The following CD300LF variants were observed in gnomAD, a reference collection of about 807,000 sequenced individuals.
CD300LF encodes the protein CMRF35-like molecule 1.
CD300LF carries 27 observed loss-of-function variants against 32.2 expected under a neutral mutation model. The observed-to-expected ratio is 0.84, with a 90% CI of 0.62 to 1.15. The LOEUF (loss-of-function observed/expected upper bound fraction) is 1.15. Among genes scored for constraint, CD300LF ranks in the 50% most tolerant of loss-of-function variants. CD300LF has a pLI of 0.00. For missense variants in CD300LF, 348 were observed against 356.8 expected (o/e 0.98, Z 0.20); for synonymous variants, 139 against 143.2 (o/e 0.97, Z 0.21).
At position 74,694,972 on chromosome 17, in the gene CD300LF, C is replaced by A; in HGVS notation, c.*124G>T. ...GCCCAACCCAGAGCTAGGGGCAATG[C>A]TGGCTGATCAGGCAGAGGCACCAGT... On this transcript the variant is annotated 3_prime_UTR_variant, in exon 7 of 7. Coordinates refer to ENST00000326165, the MANE Select transcript of CD300LF (RefSeq NM_139018.5). 9.0e-7 allele frequency: 1 copy of A among 1,113,744 alleles called. No individual in the cohort carries two copies. Among genetic ancestry groups the A allele is most frequent in the Admixed American group, 2.4e-5 (1 of 42,172 alleles). 69.0% of individuals were successfully genotyped at this position (1,113,744 alleles called of 1,614,324 possible).
chr17:74,697,030 C>T (rs2032552599), intron 4 of CD300LF, among the ~76,000 whole-genome samples: 1 of 152,222 alleles, frequency 6.6e-6, no homozygotes, highest in Non-Finnish European at 1.5e-5. Flanking sequence ...CAACCTCCAC[C>T]TCCTGGGTTC....
intron 3 of CD300LF, 86 bp from the exon 4 acceptor site, chr17:74,698,567 G>T: frequency 6.5e-7 from 1 of 1,531,812 alleles, no homozygotes. Flanking sequence ...GCAGGGGAGG[G>T]CCACACACCT....
At chr17:74,703,237 G>T in intron 2 of CD300LF, 139 bp from the exon 3 acceptor site, 1 of 995,708 alleles carries the variant, frequency 1.0e-6, no homozygotes, top group South Asian at 1.5e-5. Flanking sequence ...CCTGGGCGGG[G>T]GTCTGGACTG....
At chr17:74,704,881 T>G (rs2033385263) in intron 1 of CD300LF, 65 bp from the exon 2 acceptor site, 1 of 1,277,298 alleles carries the variant, frequency 7.8e-7, no homozygotes, top group Admixed American at 2.1e-5. Context: ...GCTTTCTGTT[T>G]AGGGAATAGC....
At position 74,704,586 on chromosome 17, in the gene CD300LF, T is replaced by A; in HGVS notation, c.274A>T (p.Thr92Ser). 1 of 1,614,206 alleles carries A rather than the reference T, an allele frequency of 6.2e-7. No individual in the cohort carries two copies. Among genetic ancestry groups the A allele is most frequent in the Non-Finnish European group, 8.5e-7 (1 of 1,180,040 alleles). The change falls in exon 2 of 7, where the codon ACT becomes TCT. Residue 92 changes from threonine to serine, a missense_variant. Physicochemically the swap from Thr to Ser is moderately conservative, Grantham distance 58. Coordinates refer to ENST00000326165, the MANE Select transcript of CD300LF (RefSeq NM_139018.5). ...TTCATGAGATCCTCCATGGTCACAG[T>A]GAACGTGCGGTTTTTCTGATTGTCC... The part of the protein sequence containing the change: ...IKDNQKNRTF[T>S]VTMEDLMKTD...
In CD300LF at chr17:74,704,568, G is replaced by A; in HGVS notation, c.292C>T (p.Leu98Phe). Residue 98 changes from leucine to phenylalanine, a missense_variant, in exon 2 of 7, where the codon CTC (leucine) becomes TTC (phenylalanine). Transcript: ENST00000326165. ...NRTFTVTMED[L>F]MKTDADTYWC... ...TAAGTGTCAGCATCAGTTTTCATGAGATCCTCCATGGTCACAGTGAACGTG... is the reference window on the plus strand; with the variant it reads ...TAAGTGTCAGCATCAGTTTTCATGAAATCCTCCATGGTCACAGTGAACGTG... 6.2e-7 allele frequency: 1 copy of A among 1,614,172 alleles called. No individual in the cohort carries two copies. Among genetic ancestry groups the A allele is most frequent in the Non-Finnish European group, 8.5e-7 (1 of 1,180,022 alleles).
At chr17:74,697,126 T>A (rs542422411) in intron 4 of CD300LF, among the ~76,000 whole-genome samples, 1 of 152,236 alleles carries the variant, frequency 6.6e-6, no homozygotes, top group East Asian at 1.9e-4. Flanking sequence ...GCATTTTTAG[T>A]AGAGAAGGGG....
intron 2 of CD300LF, 177 bp from the exon 3 acceptor site, chr17:74,703,275 A>AGAT: frequency 3.0e-6 from 2 of 661,680 alleles, no homozygotes; most frequent in Admixed American, 2.7e-5. Context: ...TGCAGCCTGG[A>AGAT]CCACTCATGT....
rs377246276 is a variant in CD300LF, at chr17:74,695,119, A to G, written c.850T>C (p.Tyr284His). ...GGCTAAGGCCTGCTGATGGTGCTGT[A>G]TTCCGTGGGCTCCTCAGGGCCCCTG... is the stretch of plus-strand genomic sequence containing the variant. ...PGRGPEEPTE[Y>H]STISRP The change falls in exon 7 of 7, where the codon TAC becomes CAC. Residue 284 changes from tyrosine to histidine, a missense_variant. Tyr to His is a moderately conservative substitution (Grantham distance 83). Transcript: ENST00000326165. 1.9e-6 allele frequency: 3 copies of G among 1,614,090 alleles called. No individual in the cohort carries two copies. The highest frequency in any genetic ancestry group is 1.1e-5 in the South Asian group (1 of 91,074).
chr17:74,708,870 C>T (rs1005859403), intron 1 of CD300LF, among the ~76,000 whole-genome samples: 5 of 149,916 alleles, frequency 3.3e-5, no homozygotes, highest in Admixed American at 6.7e-5. Context: ...GAGCCGAGAT[C>T]GCGCCACTGC....
intron 6 of CD300LF, among the ~76,000 whole-genome samples, chr17:74,695,513 C>T (rs1438360413): frequency 2.6e-5 from 4 of 152,206 alleles, no homozygotes; most frequent in Middle Eastern, 3.2e-3. Context: ...CTGCTGCCCA[C>T]GTGGGGACTG....
At chr17:74,711,813 C>T (rs2033982308) in intron 1 of CD300LF, among the ~76,000 whole-genome samples, 1 of 152,110 alleles carries the variant, frequency 6.6e-6, no homozygotes, top group South Asian at 2.1e-4. Context: ...TGTAACATAT[C>T]ATCTTGTTCT....
chr17:74,706,762 G>A (rs1212547652), intron 1 of CD300LF, among the ~76,000 whole-genome samples: 2 of 152,244 alleles, frequency 1.3e-5, no homozygotes, highest in African/African-American at 4.8e-5. Flanking sequence ...ACCCTGGGAA[G>A]GGGTGAGGAC....
At chr17:74,698,858 G>A (rs902402070) in intron 3 of CD300LF, among the ~76,000 whole-genome samples, 1 of 152,090 alleles carries the variant, frequency 6.6e-6, no homozygotes, top group Non-Finnish European at 1.5e-5. Context: ...TACCCCTGAA[G>A]CTAAAATAAA....
chr17:74,710,506 A>G (rs2033868667), intron 1 of CD300LF, among the ~76,000 whole-genome samples: 1 of 152,218 alleles, frequency 6.6e-6, no homozygotes, highest in South Asian at 2.1e-4. Context: ...CATTAGCAAT[A>G]AAAGTGTATT....
At chr17:74,698,704 T>C in intron 3 of CD300LF, 1 of 1,143,272 alleles carries the variant, frequency 8.7e-7, no homozygotes, top group Non-Finnish European at 1.2e-6. Flanking sequence ...AGGGCCTACT[T>C]GAGGATGGAG....
At position 74,696,181 on chromosome 17, in the gene CD300LF, G is replaced by A; in HGVS notation, c.582+14C>T. 1 of 1,600,446 alleles carries A rather than the reference G, an allele frequency of 6.2e-7. No individual in the cohort carries two copies. The highest frequency in any genetic ancestry group is 8.5e-7 in the Non-Finnish European group (1 of 1,175,590). On this transcript the variant is annotated intron_variant, in intron 5 of 6. Transcript: ENST00000326165. The stretch of plus-strand genomic sequence containing the variant: ...TGCCTGGTCTCTCTGGTCCGACCTT[G>A]GGGGCTATCTTACCTGCTCTGGGGA...
chr17:74,709,092 C>T (rs1340498852), intron 1 of CD300LF, among the ~76,000 whole-genome samples: 2 of 151,108 alleles, frequency 1.3e-5, no homozygotes, highest in South Asian at 2.1e-4. Context: ...GGCGTGGTGG[C>T]GGGCGCCTGT....
intron 1 of CD300LF, among the ~76,000 whole-genome samples, chr17:74,709,506 C>A (rs2033792515): frequency 6.6e-6 from 1 of 152,052 alleles, no homozygotes; most frequent in Non-Finnish European, 1.5e-5. Context: ...CTTTTTTGTA[C>A]ATTTTATTTT....
Sources: gnomAD v4.1 joint callset for allele counts (sites outside exome capture counted in the v4.1 genomes callset) on GRCh38, gnomAD v4.1.1 for gene constraint, MANE v1.5 for transcripts, NCBI Gene and HGNC (gene_info 2026-07-23, HGNC 2026-07-21) for gene names.